The following SCN9A variants were observed in gnomAD, a reference collection of about 807,000 sequenced individuals.
SCN9A encodes the protein sodium channel protein type 9 subunit alpha.
SCN9A carries 131 observed loss-of-function variants against 187.0 expected under a neutral mutation model. That is an observed-to-expected ratio of 0.70 (90% CI 0.61 to 0.81). The LOEUF is 0.81. Ranked by LOEUF, SCN9A falls within the 30% of genes least tolerant of loss-of-function variation. The probability of loss-of-function intolerance (pLI) is 0.00; values close to 1 mark genes in which losing one functional copy is unlikely to be tolerated. For missense variants in SCN9A, 2,252 were observed against 2,396.6 expected, an observed-to-expected ratio of 0.94 and a Z score of 1.26; for synonymous variants, 809 against 808.6, an observed-to-expected ratio of 1.00 and a Z score of -0.01.
intron 16 of SCN9A, among the ~76,000 whole-genome samples, chr2:166,274,038 A>G (rs1697118877): frequency 6.6e-6 from 1 of 152,194 alleles, no homozygotes; most frequent in African/African-American, 2.4e-5. Context: ...ATGAAAAAGT[A>G]TATTTCACTA....
intron 17 of SCN9A, 48 bp from the exon 18 acceptor site, chr2:166,251,933 T>TTAGAG: frequency 6.3e-7 from 1 of 1,599,046 alleles, no homozygotes; most frequent in South Asian, 1.1e-5. Flanking sequence ...TAGAGTTCAT[T>TTAGAG]CAAATATGAT....
At chr2:166,246,243 ATCT>A (rs1334317389) in intron 18 of SCN9A, among the ~76,000 whole-genome samples, 1 of 151,884 alleles carries the variant, frequency 6.6e-6, no homozygotes, top group African/African-American at 2.4e-5. Flanking sequence ...GAGTTATATA[ATCT>A]TCTAAGCAGT....
rs201828627 is a variant in SCN9A at position 166,268,813 on chromosome 2, AC to A, written c.3351+3585del. On this transcript the variant is annotated intron_variant, in intron 17 of 26. Coordinates refer to ENST00000642356, the MANE Select transcript of SCN9A (RefSeq NM_001365536.1). ...TACTTAATATGACATACTTTGAGATACGTCATGGAAAATTTTTTATGAAGAA... is the reference window on the plus strand; with the variant it reads ...TACTTAATATGACATACTTTGAGATAGTCATGGAAAATTTTTTATGAAGAA... 9.0e-3 allele frequency among the ~76,000 whole-genome samples: 1,361 copies of A among 152,040 alleles called. 16 individuals carry two copies. Among genetic ancestry groups the A allele is most frequent in the African/African-American group, 0.031 (1,285 of 41,540 alleles).
At chr2:166,206,631 TTGCACA>T (rs1558947789) in intron 24 of SCN9A, among the ~76,000 whole-genome samples, 1 of 152,018 alleles carries the variant, frequency 6.6e-6, no homozygotes, top group Non-Finnish European at 1.5e-5. Context: ...CCTGCATGTT[TTGCACA>T]TGTACCCTAG....
At chr2:166,364,024 A>G (rs981499375) in intron 1 of SCN9A, among the ~76,000 whole-genome samples, 1 of 152,120 alleles carries the variant, frequency 6.6e-6, no homozygotes, top group African/African-American at 2.4e-5. Flanking sequence ...AAAAATGAAC[A>G]AAGGATTTGA....
At chr2:166,307,226 T>TC (rs1211137986) in intron 2 of SCN9A, among the ~76,000 whole-genome samples, 152 bp from the exon 3 acceptor site, 20 of 152,314 alleles carry the variant, frequency 1.3e-4, no homozygotes, top group Admixed American at 1.3e-3. Flanking sequence ...CATCAACGCA[T>TC]CTATCAATGT....
rs1693216250 is a variant in SCN9A, at chr2:166,195,376, C to T, written c.*3296G>A. 1 of 152,054 alleles carries T rather than the reference C, an allele frequency of 6.6e-6. No homozygotes were observed. Among genetic ancestry groups the T allele is most frequent in the Non-Finnish European group, 1.5e-5 (1 of 68,004 alleles). The allele number at this position is 152,054 out of a possible 1,614,324, so 9.4% of individuals were successfully genotyped here. On this transcript the variant is annotated 3_prime_UTR_variant, in exon 27 of 27. Coordinates refer to ENST00000642356, the MANE Select transcript of SCN9A (RefSeq NM_001365536.1). The stretch of plus-strand genomic sequence containing the variant: ...TGGCTATTTATTTATTTTCATGAAG[C>T]AATTCTTGATTGTTTTCCTCAAGAA...
chr2:166,332,670 T>C (rs1367499748), intron 1 of SCN9A, among the ~76,000 whole-genome samples: 1 of 152,130 alleles, frequency 6.6e-6, no homozygotes, highest in Admixed American at 6.6e-5. Flanking sequence ...TCATTATCTT[T>C]ATTAATAATA....
In SCN9A at chr2:166,303,130, T is replaced by C. The variant is rs1553495104; in HGVS notation, c.861A>G (p.Glu287=). ...CACTCTCTAGGGTATTCATTATGCT[T>C]TCTAATGTTTCATTATTTTCAAGTG... ...RNSLENNETL[E]SIMNTLESEE... is the part of the protein sequence containing the mutation. The change falls in exon 7 of 27, where the codon GAA becomes GAG. Residue 287 remains glutamate, a synonymous_variant. Coordinates refer to ENST00000642356, the MANE Select transcript of SCN9A (RefSeq NM_001365536.1). 1 of 1,609,478 alleles carries C rather than the reference T, an allele frequency of 6.2e-7. No individual in the cohort carries two copies.
intron 1 of SCN9A, among the ~76,000 whole-genome samples, chr2:166,349,191 C>T (rs6722807): frequency 0.6 from 91,051 of 151,902 alleles, 27,482 homozygotes; most frequent in African/African-American, 0.67. Flanking sequence ...CATAATCACC[C>T]TCCCCCAAGC....
chr2:166,248,045 T>C (rs1008455577), intron 18 of SCN9A: 1 of 152,132 alleles, frequency 6.6e-6, no homozygotes, highest in African/African-American at 2.4e-5. Flanking sequence ...TGAAATACAT[T>C]AGTAAAGTGA....
intron 17 of SCN9A, among the ~76,000 whole-genome samples, chr2:166,268,547 G>T (rs760495879): frequency 2.0e-5 from 3 of 151,904 alleles, no homozygotes; most frequent in Non-Finnish European, 4.4e-5. Context: ...GAGGATTAAA[G>T]ACATTTTAGA....
chr2:166,321,983 A>G (rs975839992), intron 1 of SCN9A, among the ~76,000 whole-genome samples: 2 of 152,098 alleles, frequency 1.3e-5, no homozygotes, highest in Admixed American at 6.5e-5. Flanking sequence ...ATGCTGTAAA[A>G]TAATCAAGAG....
intron 1 of SCN9A, among the ~76,000 whole-genome samples, chr2:166,354,238 G>A (rs1175209419): frequency 6.6e-6 from 1 of 151,968 alleles, no homozygotes; most frequent in Non-Finnish European, 1.5e-5. Context: ...CTTTTATGGA[G>A]GCTGATATGT....
At chr2:166,233,015 A>G (rs57389269) in intron 21 of SCN9A, among the ~76,000 whole-genome samples, 1,637 of 147,310 alleles carry the variant, frequency 0.011, 30 homozygotes, top group African/African-American at 0.038. Context: ...TACCATTAGT[A>G]TATATAATAT....
chr2:166,318,660 G>C (rs1699166658), intron 1 of SCN9A, among the ~76,000 whole-genome samples: 1 of 151,954 alleles, frequency 6.6e-6, no homozygotes, highest in African/African-American at 2.4e-5. Flanking sequence ...TCAGTAGAAT[G>C]CTTGCTGAAA....
intron 1 of SCN9A, among the ~76,000 whole-genome samples, chr2:166,339,653 T>A (rs532674344): frequency 6.6e-6 from 1 of 152,128 alleles, no homozygotes; most frequent in Admixed American, 6.6e-5. Context: ...AAAACTGGAG[T>A]CCCTGGCACC....
Position 166,238,212 on chromosome 2 carries a change from T to A in SCN9A, c.3683A>T (p.Tyr1228Phe). The change falls in exon 20 of 27, where the codon TAT becomes TTT. Residue 1228 changes from tyrosine to phenylalanine, a missense_variant. Physicochemically the swap from Tyr to Phe is conservative, Grantham distance 22. Transcript: ENST00000642356. ...GATGTAAGTGAAGATCTTGTCTGCA[T>A]ACTCCAGGATAATCTTAATGGTCTT... ...RKKTIKIILEYADKIFTYIFI... is the reference protein window; with the variant it reads ...RKKTIKIILEFADKIFTYIFI... 6.2e-7 allele frequency: 1 copy of A among 1,602,834 alleles called. No homozygotes were observed. The highest frequency in any genetic ancestry group is 1.3e-5 in the African/African-American group (1 of 74,794).
intron 2 of SCN9A, 34 bp from the exon 3 acceptor site, chr2:166,307,108 A>G: frequency 8.3e-7 from 1 of 1,211,642 alleles, no homozygotes; most frequent in South Asian, 1.3e-5. Flanking sequence ...GAAATTGAGA[A>G]TCCAAAATAT....
Sources: allele counts gnomAD v4.1 joint callset (sites outside exome capture counted in the v4.1 genomes callset), GRCh38; gene constraint gnomAD v4.1.1; transcripts MANE v1.5; gene names NCBI Gene and HGNC (gene_info 2026-07-23, HGNC 2026-07-21).